Variants in CIB2 observed in about 807,000 individuals in gnomAD.
CIB2 encodes the protein calcium and integrin binding family member 2, also known as calcium and integrin-binding family member 2.
CIB2 carries 19 observed loss-of-function variants against 23.1 expected under a neutral mutation model. The ratio of observed to expected loss-of-function variants is 0.82; its 90% confidence interval spans 0.57 to 1.21. The LOEUF (loss-of-function observed/expected upper bound fraction) is 1.21. Among genes scored for constraint, CIB2 ranks in the 50% most tolerant of loss-of-function variants. The pLI, the probability that CIB2 is intolerant of heterozygous loss-of-function variation, is 0.00. For synonymous variants in CIB2, 94 were observed against 91.7 expected (o/e 1.03, Z -0.14); for missense variants, 220 against 241.5 (o/e 0.91, Z 0.59).
intron 2 of CIB2, among the ~76,000 whole-genome samples, chr15:78,117,275 A>AAAAAAAAAAAAAAAAAAAATT (rs2074254789): frequency 2.9e-5 from 4 of 139,262 alleles, no homozygotes; most frequent in Non-Finnish European, 6.1e-5. Context: ...AAAAAAAAAA[A>AAAAAAAAAAAAAAAAAAAATT]GTTTGTTTAA....
chr15:78,123,614 C>A, intron 2 of CIB2, 91 bp downstream of exon 2: 1 of 1,340,844 alleles, frequency 7.5e-7, no homozygotes, highest in South Asian at 1.2e-5. Context: ...CTGCCTCAGC[C>A]CCAGGAGCAC....
At chr15:78,130,520 C>T (rs1022887826) in intron 1 of CIB2, among the ~76,000 whole-genome samples, 1 of 152,142 alleles carries the variant, frequency 6.6e-6, no homozygotes, top group African/African-American at 2.4e-5. Context: ...GGAAAGCTGG[C>T]TCTGGAGGCA....
chr15:78,114,379 T>C lies in CIB2; in HGVS notation c.87-3103A>G, dbSNP rs185928330. On this transcript the variant is annotated intron_variant, in intron 2 of 5. Transcript: ENST00000258930. ...ATCACTGTGAAAGAAACTCTAAGCA[T>C]TGTCAAAGAACCACATCTCTGTCAC... is the stretch of plus-strand genomic sequence containing the variant. Among the ~76,000 whole-genome samples, 3 of 152,254 alleles carry C rather than the reference T, an allele frequency of 2.0e-5. 1 individual carries two copies. Among genetic ancestry groups the C allele is most frequent in the East Asian group, 3.9e-4 (2 of 5,184 alleles).
intron 1 of CIB2, among the ~76,000 whole-genome samples, chr15:78,128,610 G>A (rs1266145928): frequency 6.6e-6 from 1 of 152,010 alleles, no homozygotes; most frequent in Non-Finnish European, 1.5e-5. Flanking sequence ...CCTGGGAGGC[G>A]GAGCTGGGAT....
At chr15:78,124,749 C>T (rs2074361046) in intron 1 of CIB2, among the ~76,000 whole-genome samples, 1 of 152,180 alleles carries the variant, frequency 6.6e-6, no homozygotes, top group Non-Finnish European at 1.5e-5. Flanking sequence ...CCTCCTGGGG[C>T]CATAAGCTGA....
At position 78,105,795 on chromosome 15, in the gene CIB2, G is replaced by C; in HGVS notation, c.486C>G (p.Gly162=). 1 of 1,614,198 alleles carries C rather than the reference G, an allele frequency of 6.2e-7. No homozygotes were observed. Among genetic ancestry groups the C allele is most frequent in the Admixed American group, 1.7e-5 (1 of 60,032 alleles). The change falls in exon 5 of 6, where the codon GGC becomes GGG. Residue 162 remains glycine, a synonymous_variant. Transcript: ENST00000258930. ...CCTCGAAGTCAGCAAAGCCCAGCTT[G>C]CCGTCACCGTCCAAGTCAGCCTCCT... ...VIEEADLDGD[G]KLGFADFEDM...
Position 78,105,130 on chromosome 15 carries a change from C to T in CIB2, c.*181G>A, listed in dbSNP as rs2074046101. ...CCACAGCGGGGCTGTGGGAAGGGTC[C>T]TAACCTTCACAGGCCCCCTTCCTGG... is the stretch of plus-strand genomic sequence containing the variant. On this transcript the variant is annotated 3_prime_UTR_variant, in exon 6 of 6. Coordinates refer to ENST00000258930, the MANE Select transcript of CIB2 (RefSeq NM_006383.4). 3.6e-6 allele frequency: 3 copies of T among 836,272 alleles called. No individual in the cohort carries two copies. Among genetic ancestry groups the T allele is most frequent in the African/African-American group, 1.7e-5 (1 of 58,036 alleles). 51.8% of individuals were successfully genotyped at this position (836,272 alleles called of 1,614,324 possible).
chr15:78,127,394 G>A lies in CIB2; in HGVS notation c.52-3655C>T, dbSNP rs75693421. ...AAAGGTCAGGTCTGGGTCATGAGGA[G>A]TGGAAGGGAGGGAAGGAGAGAGGGG... is the stretch of plus-strand genomic sequence containing the variant. On this transcript the variant is annotated intron_variant, in intron 1 of 5. Transcript: ENST00000258930. Among the ~76,000 whole-genome samples the A allele has an allele frequency of 1.7e-3, 265 of 152,326 alleles. 1 individual carries two copies. The highest frequency in any genetic ancestry group is 6.1e-3 in the African/African-American group (253 of 41,576).
chr15:78,105,093 C>T lies in CIB2; in HGVS notation c.*218G>A, dbSNP rs1318338727. The T allele has an allele frequency of 1.6e-6, 1 of 607,480 alleles. No individual in the cohort carries two copies. The highest frequency in any genetic ancestry group is 2.0e-5 in the South Asian group (1 of 50,110). The allele number at this position is 607,480 out of a possible 1,614,324, so 37.6% of individuals were successfully genotyped here. On this transcript the variant is annotated 3_prime_UTR_variant, in exon 6 of 6. Transcript: ENST00000258930. ...GAGGGCCTGGAGAGAGGCCATGGGT[C>T]CCGGGGCTGGACCACAGCGGGGCTG... is the stretch of plus-strand genomic sequence containing the variant.
intron 1 of CIB2, among the ~76,000 whole-genome samples, chr15:78,130,207 A>C (rs1207528282): frequency 6.6e-6 from 1 of 152,068 alleles, no homozygotes; most frequent in Non-Finnish European, 1.5e-5. Context: ...GGGGAGAGGC[A>C]TCAGATGTGG....
chr15:78,105,704 G>A (rs756739753), intron 5 of CIB2, 35 bp downstream of exon 5: 2 of 1,612,936 alleles, frequency 1.2e-6, no homozygotes, highest in Non-Finnish European at 1.7e-6. Context: ...GCCCTGCTCT[G>A]CCCTGCCCAA....
intron 2 of CIB2, among the ~76,000 whole-genome samples, chr15:78,114,034 G>C (rs1321679257): frequency 1.3e-5 from 2 of 152,136 alleles, no homozygotes; most frequent in Non-Finnish European, 2.9e-5. Context: ...TAGCAGTGTG[G>C]GTAAGTGGGT....
intron 2 of CIB2, among the ~76,000 whole-genome samples, chr15:78,120,864 C>G (rs2074308510): frequency 1.3e-5 from 2 of 152,146 alleles, no homozygotes; most frequent in African/African-American, 4.8e-5. Flanking sequence ...AGTAGCATCC[C>G]TGAAAGGCCC....
chr15:78,114,818 T>C (rs2141897609), intron 2 of CIB2, among the ~76,000 whole-genome samples: 1 of 150,872 alleles, frequency 6.6e-6, no homozygotes. Context: ...TGTGGTGATA[T>C]GCATCAGTAG....
At chr15:78,108,562 G>A (rs1340687033) in intron 4 of CIB2, among the ~76,000 whole-genome samples, 2 of 152,196 alleles carry the variant, frequency 1.3e-5, no homozygotes, top group Non-Finnish European at 2.9e-5. Context: ...AGAGCTGGGC[G>A]GGGTGAATCC....
chr15:78,112,762 T>C (rs2074179357), intron 2 of CIB2, among the ~76,000 whole-genome samples: 1 of 152,148 alleles, frequency 6.6e-6, no homozygotes. Flanking sequence ...AGGTCTCCTT[T>C]TAAGTGGCTT....
chr15:78,128,217 C>G (rs55681349), intron 1 of CIB2, among the ~76,000 whole-genome samples: 20,401 of 152,110 alleles, frequency 0.13, 1,641 homozygotes, highest in Non-Finnish European at 0.19. Context: ...TCAGGGAGCC[C>G]GTCCCAAAGA....
chr15:78,107,091 C>T (rs1012823293), intron 4 of CIB2, among the ~76,000 whole-genome samples: 7 of 151,892 alleles, frequency 4.6e-5, no homozygotes, highest in South Asian at 2.1e-4. Flanking sequence ...AAAAATTAGC[C>T]GGGCGTGGTG....
At position 78,109,507 on chromosome 15, in the gene CIB2, C is replaced by T. The variant is rs758251566; in HGVS notation, c.199-125G>A. ...AAATCCCTCTGAGCCTCGGTTTCCC[C>T]ATCTGTAAAAAGGGAATAATAATAA... is the stretch of plus-strand genomic sequence containing the variant. On this transcript the variant is annotated intron_variant, in intron 3 of 5. Coordinates refer to ENST00000258930, the MANE Select transcript of CIB2 (RefSeq NM_006383.4). 6 of 1,052,570 alleles carry T rather than the reference C, an allele frequency of 5.7e-6. No homozygotes were observed. The highest frequency in any genetic ancestry group is 1.6e-5 in the African/African-American group (1 of 63,616). The allele number at this position is 1,052,570 out of a possible 1,614,324, so 65.2% of individuals were successfully genotyped here.
Sources: allele counts gnomAD v4.1 joint callset (sites outside exome capture counted in the v4.1 genomes callset), GRCh38; gene constraint gnomAD v4.1.1; transcripts MANE v1.5; gene names NCBI Gene and HGNC (gene_info 2026-07-23, HGNC 2026-07-21).